ZFP14: variants seen among roughly 807,000 people sequenced by gnomAD.
ZFP14 encodes ZFP14 zinc finger protein.
A neutral mutation model predicts 54.5 loss-of-function variants in ZFP14; 22 were observed. That is an observed-to-expected ratio of 0.40 (90% CI 0.29 to 0.58). The LOEUF is 0.58. Among genes scored for constraint, ZFP14 ranks in the 20% least tolerant of loss-of-function variants. The pLI is 0.39. For synonymous variants in ZFP14, 159 were observed against 204.0 expected (o/e 0.78, Z 1.88); for missense variants, 470 against 637.8 (o/e 0.74, Z 2.83).
At chr19:36,359,278 T>G (rs2031670587) in intron 4 of ZFP14, among the ~76,000 whole-genome samples, 1 of 152,230 alleles carries the variant, frequency 6.6e-6, no homozygotes, top group South Asian at 2.1e-4. Context: ...TAATATTTTA[T>G]TAAAATTTTT....
rs1269558291 is a variant in ZFP14 at position 36,339,093 on chromosome 19, C to G, written c.*1131G>C. ...TGAAATTTCTAATGCAGCTCAAGTGCTGAAGAACTTCCTACATTCACTACA... is the reference window on the plus strand; with the variant it reads ...TGAAATTTCTAATGCAGCTCAAGTGGTGAAGAACTTCCTACATTCACTACA... On this transcript the variant is annotated 3_prime_UTR_variant, in exon 5 of 5. Coordinates refer to ENST00000270001, the MANE Select transcript of ZFP14 (RefSeq NM_020917.3). The G allele has an allele frequency of 1.3e-5, 2 of 152,168 alleles. No individual in the cohort carries two copies. The highest frequency in any genetic ancestry group is 2.9e-5 in the Non-Finnish European group (2 of 68,038). The allele number at this position is 152,168 out of a possible 1,614,324, so 9.4% of individuals were successfully genotyped here. A position where few individuals can be genotyped will look rare whatever the true frequency, so the allele number is the denominator to read the frequency against.
intron 4 of ZFP14, among the ~76,000 whole-genome samples, chr19:36,343,697 G>T (rs988845696): frequency 7.2e-5 from 11 of 152,150 alleles, no homozygotes; most frequent in African/African-American, 2.4e-4. Flanking sequence ...AATTATGGGG[G>T]CTGAGAACTC....
At position 36,336,064 on chromosome 19, in the gene ZFP14, C is replaced by T. The variant is rs2031188720; in HGVS notation, c.*4160G>A. The T allele has an allele frequency of 6.6e-6, 1 of 151,800 alleles. No homozygotes were observed. The highest frequency in any genetic ancestry group is 1.9e-4 in the East Asian group (1 of 5,160). The allele number at this position is 151,800 out of a possible 1,614,324, so 9.4% of individuals were successfully genotyped here. A position where few individuals can be genotyped will look rare whatever the true frequency, so the allele number is the denominator to read the frequency against. On this transcript the variant is annotated 3_prime_UTR_variant, in exon 5 of 5. Coordinates refer to ENST00000270001, the MANE Select transcript of ZFP14 (RefSeq NM_020917.3). ...TTTGCCTTATAATTTTAAAAATCTG[C>T]TTGATATAATCTAGAGTTGTGTCTC...
intron 4 of ZFP14, among the ~76,000 whole-genome samples, chr19:36,342,802 G>A (rs1199784856): frequency 6.6e-6 from 1 of 151,984 alleles, no homozygotes; most frequent in Non-Finnish European, 1.5e-5. Context: ...ACGGGTGAAA[G>A]GGCTCCTGAT....
At chr19:36,356,822 C>T (rs1015274761) in intron 4 of ZFP14, among the ~76,000 whole-genome samples, 1 of 152,030 alleles carries the variant, frequency 6.6e-6, no homozygotes, top group African/African-American at 2.4e-5. Context: ...TTATTGCTTA[C>T]TGTTGCTCAG....
At chr19:36,357,245 G>C (rs1306047813) in intron 4 of ZFP14, among the ~76,000 whole-genome samples, 2 of 152,192 alleles carry the variant, frequency 1.3e-5, no homozygotes, top group African/African-American at 2.4e-5. Flanking sequence ...GTTTCGCCAT[G>C]TTGGCCAGGC....
Position 36,338,796 on chromosome 19 carries a change from T to C in ZFP14, c.*1428A>G, listed in dbSNP as rs1359451494. Reference sequence around the variant, plus strand: ...ATATGGCATTTTGAGCATCCAAAAGTATACTGACTTATAGAATGATGTTTT... The same window carrying C: ...ATATGGCATTTTGAGCATCCAAAAGCATACTGACTTATAGAATGATGTTTT... On this transcript the variant is annotated 3_prime_UTR_variant, in exon 5 of 5. Transcript: ENST00000270001. The C allele has an allele frequency of 4.6e-5, 7 of 152,222 alleles. No individual in the cohort carries two copies. The highest frequency in any genetic ancestry group is 1.7e-4 in the African/African-American group (7 of 41,456). 9.4% of individuals were successfully genotyped at this position (152,222 alleles called of 1,614,324 possible). A position where few individuals can be genotyped will look rare whatever the true frequency, so the allele number is the denominator to read the frequency against.
intron 4 of ZFP14, among the ~76,000 whole-genome samples, chr19:36,356,744 T>A (rs1198734046): frequency 7.7e-6 from 1 of 129,760 alleles, no homozygotes; most frequent in African/African-American, 2.7e-5. Context: ...CATAACCATT[T>A]GTGATTGATT....
chr19:36,349,663 T>A (rs1191620178), intron 4 of ZFP14, among the ~76,000 whole-genome samples: 1 of 113,210 alleles, frequency 8.8e-6, no homozygotes, highest in African/African-American at 2.8e-5. Flanking sequence ...CAAGACTCTG[T>A]CTCAAAACAA....
intron 4 of ZFP14, among the ~76,000 whole-genome samples, chr19:36,359,827 G>A (rs185745248): frequency 1.8e-4 from 27 of 152,084 alleles, no homozygotes; most frequent in African/African-American, 6.0e-4. Context: ...GCTAATTTTC[G>A]TATTTTTAGT....
intron 4 of ZFP14, among the ~76,000 whole-genome samples, chr19:36,349,244 AAAAAAAAAAAAAC>A (rs1205249207): frequency 0.058 from 2,493 of 42,660 alleles, 439 homozygotes; most frequent in African/African-American, 0.21. Flanking sequence ...AAAAAAAAAC[AAAAAAAAAAAAAC>A]AAAAAAAAAA....
chr19:36,371,280 T>C (rs1440795517), intron 1 of ZFP14, among the ~76,000 whole-genome samples: 1 of 151,360 alleles, frequency 6.6e-6, no homozygotes, highest in East Asian at 2.0e-4. Context: ...AGGAAAGAAT[T>C]CAAATAACTG....
At chr19:36,375,587 A>T (rs1285524534) in intron 1 of ZFP14, among the ~76,000 whole-genome samples, 1 of 113,546 alleles carries the variant, frequency 8.8e-6, no homozygotes, top group African/African-American at 3.5e-5. Flanking sequence ...TTTTTTTGAG[A>T]CGGAGTCGTG....
chr19:36,371,361 A>C lies in ZFP14; in HGVS notation c.-79-3390T>G, dbSNP rs10404844. 3.6e-3 allele frequency among the ~76,000 whole-genome samples: 550 copies of C among 152,330 alleles called. 2 individuals are homozygous for C. The highest frequency in any genetic ancestry group is 0.013 in the African/African-American group (529 of 41,580). On this transcript the variant is annotated intron_variant, in intron 1 of 4. Coordinates refer to ENST00000270001, the MANE Select transcript of ZFP14 (RefSeq NM_020917.3). ...AAAGTGAGAAAAACAATATGTGATC[A>C]GAATGAGAAATTAAATAGATTGAAA... is the stretch of plus-strand genomic sequence containing the variant.
chr19:36,339,932 TGAG>T lies in ZFP14; in HGVS notation c.*289_*291del, dbSNP rs936397192. The T allele has an allele frequency of 1.8e-5, 5 of 271,180 alleles. No homozygotes were observed. The highest frequency in any genetic ancestry group is 3.5e-5 in the Non-Finnish European group (5 of 144,792). The allele number at this position is 271,180 out of a possible 1,614,324, so 16.8% of individuals were successfully genotyped here. ...ATTACCATTTTACAAGTCAGCAAAA[TGAG>T]GCACAGAAGCTTAGTATCTTGTCCA... On this transcript the variant is annotated 3_prime_UTR_variant, in exon 5 of 5. Transcript: ENST00000270001.
chr19:36,340,174 G>T lies in ZFP14; in HGVS notation c.*50C>A. ...GCATGAAACACATTTTCTCAAAAAT[G>T]AATTTTCTGATGTTCTGTAACATCA... On this transcript the variant is annotated 3_prime_UTR_variant, in exon 5 of 5. Transcript: ENST00000270001. This position sits in a 1 kb window ranked among gnomAD's most constrained non-coding sequence, Gnocchi z 5.4. The T allele has an allele frequency of 4.8e-6, 7 of 1,469,610 alleles. No individual in the cohort carries two copies. The highest frequency in any genetic ancestry group is 6.3e-6 in the Non-Finnish European group (7 of 1,106,878). The allele number at this position is 1,469,610 out of a possible 1,614,324, so 91.0% of individuals were successfully genotyped here. A position where few individuals can be genotyped will look rare whatever the true frequency, so the allele number is the denominator to read the frequency against.
intron 2 of ZFP14, among the ~76,000 whole-genome samples, chr19:36,363,164 A>T (rs35152981): frequency 0.053 from 7,817 of 146,492 alleles, 237 homozygotes; most frequent in Non-Finnish European, 0.067. Context: ...CCTGGACACC[A>T]TTATCAATCA....
intron 3 of ZFP14, 37 bp from the exon 4 acceptor site, chr19:36,360,570 C>G: frequency 6.4e-7 from 1 of 1,561,374 alleles, no homozygotes; most frequent in South Asian, 1.2e-5. Context: ...AATTATACAC[C>G]AGAAAATCTT....
chr19:36,364,629 T>C (rs983717123), intron 2 of ZFP14, among the ~76,000 whole-genome samples: 3 of 152,270 alleles, frequency 2.0e-5, no homozygotes, highest in Non-Finnish European at 4.4e-5. Context: ...CCTTATCTTA[T>C]AAGGCCCAAT....
Sources: allele counts gnomAD v4.1 joint callset (sites outside exome capture counted in the v4.1 genomes callset), GRCh38; gene constraint gnomAD v4.1.1; non-coding constraint Gnocchi (gnomAD v3.1); transcripts MANE v1.5; gene names NCBI Gene and HGNC (gene_info 2026-07-23, HGNC 2026-07-21).